The following PTPRD variants were observed in gnomAD, a reference collection of about 807,000 sequenced individuals.
PTPRD encodes protein tyrosine phosphatase receptor type D.
PTPRD carries 34 observed loss-of-function variants against 214.5 expected under a neutral mutation model. The observed-to-expected ratio is 0.16, with a 90% CI of 0.12 to 0.21. The LOEUF (loss-of-function observed/expected upper bound fraction) is 0.21, where lower values mean the gene tolerates loss of function less well. PTPRD is among the 10% of genes least tolerant of loss of function. PTPRD has a pLI of 1.00. For synonymous variants in PTPRD, 1,128 were observed against 845.7 expected (o/e 1.33, Z -5.79); for missense variants, 2,545 against 2,398.7 (o/e 1.06, Z -1.27).
At chr9:10,122,417 C>A (rs569635482) in intron 3 of PTPRD, among the ~76,000 whole-genome samples, 1 of 151,938 alleles carries the variant, frequency 6.6e-6, no homozygotes, top group Non-Finnish European at 1.5e-5. Flanking sequence ...TCAAATAGAT[C>A]TAGAAATTAA....
At chr9:10,499,527 T>G (rs2043049385) in intron 2 of PTPRD, among the ~76,000 whole-genome samples, 1 of 151,964 alleles carries the variant, frequency 6.6e-6, no homozygotes, top group Non-Finnish European at 1.5e-5. Context: ...CTGTCAAATG[T>G]GACTAATGAA....
chr9:9,318,998 A>T (rs1049956751), intron 9 of PTPRD, among the ~76,000 whole-genome samples: 1 of 152,222 alleles, frequency 6.6e-6, no homozygotes, highest in Non-Finnish European at 1.5e-5. Flanking sequence ...TATCATTATA[A>T]GAAACACAAG....
At chr9:8,435,305 C>T (rs1180552253) in intron 35 of PTPRD, among the ~76,000 whole-genome samples, 2 of 152,136 alleles carry the variant, frequency 1.3e-5, no homozygotes, top group Non-Finnish European at 2.9e-5. Flanking sequence ...CTCTAAGCCA[C>T]TTGAGGTTGG....
chr9:8,892,969 C>A (rs975617103), intron 11 of PTPRD, among the ~76,000 whole-genome samples: 5 of 152,018 alleles, frequency 3.3e-5, no homozygotes, highest in Non-Finnish European at 5.9e-5. Flanking sequence ...CATTGATAAT[C>A]TTGACGTCCA....
At chr9:9,361,466 T>C (rs1334880437) in intron 9 of PTPRD, among the ~76,000 whole-genome samples, 1 of 151,120 alleles carries the variant, frequency 6.6e-6, no homozygotes, top group East Asian at 1.9e-4. Flanking sequence ...ACCTTGTTCA[T>C]AGTGTTTTTT....
intron 7 of PTPRD, among the ~76,000 whole-genome samples, chr9:9,615,574 C>T (rs971002874): frequency 2.6e-5 from 4 of 152,076 alleles, no homozygotes. Context: ...TTTGTTTGTT[C>T]ATTAAAGTAC....
At chr9:10,375,375 C>A (rs2097707844) in intron 2 of PTPRD, among the ~76,000 whole-genome samples, 1 of 151,984 alleles carries the variant, frequency 6.6e-6, no homozygotes, top group Non-Finnish European at 1.5e-5. Flanking sequence ...ATGTGCATTT[C>A]TGGTTCAATT....
At chr9:9,389,999 G>T (rs1482655945) in intron 9 of PTPRD, among the ~76,000 whole-genome samples, 1 of 152,166 alleles carries the variant, frequency 6.6e-6, no homozygotes, top group South Asian at 2.1e-4. Flanking sequence ...AGTGGGATAA[G>T]AAGAGACAGA....
chr9:10,555,901 G>A (rs966396109), intron 2 of PTPRD, among the ~76,000 whole-genome samples: 1 of 151,912 alleles, frequency 6.6e-6, no homozygotes, highest in African/African-American at 2.4e-5. Flanking sequence ...GTCATGGTGG[G>A]GCAGAAGAAT....
At chr9:9,859,861 G>A (rs997872625) in intron 5 of PTPRD, among the ~76,000 whole-genome samples, 4 of 152,198 alleles carry the variant, frequency 2.6e-5, no homozygotes, top group East Asian at 3.9e-4. Context: ...GCCATGTACC[G>A]TTTTCTTCAA....
chr9:10,156,588 G>A (rs904908252), intron 3 of PTPRD, among the ~76,000 whole-genome samples: 1 of 152,180 alleles, frequency 6.6e-6, no homozygotes. Flanking sequence ...ATGCCCTGTG[G>A]CAATGAGAAC....
At chr9:8,338,839 G>C in intron 43 of PTPRD, 83 bp downstream of exon 43, 4 of 1,221,480 alleles carry the variant, frequency 3.3e-6, no homozygotes, top group Non-Finnish European at 4.4e-6. Context: ...AGTGGCAAGT[G>C]CTTCTCCCAG....
At position 8,315,628 on chromosome 9, in the gene PTPRD, A is replaced by T. The variant is rs1156494775; in HGVS notation, c.*2246T>A. The T allele has an allele frequency of 4.4e-6, 1 of 227,884 alleles. No individual in the cohort carries two copies. Among genetic ancestry groups the T allele is most frequent in the East Asian group, 6.3e-5 (1 of 15,958 alleles). The allele number at this position is 227,884 out of a possible 1,614,324, so 14.1% of individuals were successfully genotyped here. ...GGTAGCCTTCTAGATACTTTTTTTT[A>T]GTATTATATATATTTTCTTTTTTTT... On this transcript the variant is annotated 3_prime_UTR_variant, in exon 46 of 46. Transcript: ENST00000381196.
chr9:9,618,923 G>A (rs545692631), intron 7 of PTPRD, among the ~76,000 whole-genome samples: 8 of 152,182 alleles, frequency 5.3e-5, no homozygotes, highest in South Asian at 4.2e-4. Context: ...ACCTCTGAAG[G>A]TAGTTGAGAA....
chr9:8,618,935 T>A (rs2095713225), intron 14 of PTPRD, among the ~76,000 whole-genome samples: 1 of 146,722 alleles, frequency 6.8e-6, no homozygotes, highest in Non-Finnish European at 1.5e-5. Flanking sequence ...TTTTTTTTTT[T>A]TTTTACCGGA....
At chr9:9,464,631 T>A (rs1178528353) in intron 8 of PTPRD, among the ~76,000 whole-genome samples, 2 of 152,202 alleles carry the variant, frequency 1.3e-5, no homozygotes, top group Admixed American at 1.3e-4. Context: ...TTAAGTCTGA[T>A]CACCTTAACA....
intron 11 of PTPRD, among the ~76,000 whole-genome samples, chr9:8,765,655 T>G (rs2094683720): frequency 1.3e-5 from 2 of 152,242 alleles, no homozygotes; most frequent in Admixed American, 1.3e-4. Context: ...CTGGTTAAGC[T>G]ACTCCCATAT....
At chr9:10,503,889 G>T (rs2044783711) in intron 2 of PTPRD, among the ~76,000 whole-genome samples, 1 of 151,670 alleles carries the variant, frequency 6.6e-6, no homozygotes, top group Non-Finnish European at 1.5e-5. Context: ...GGCCGAGGTG[G>T]GCGGATCATA....
chr9:9,453,346 T>A (rs575068765), intron 8 of PTPRD, among the ~76,000 whole-genome samples: 1 of 151,730 alleles, frequency 6.6e-6, no homozygotes, highest in South Asian at 2.1e-4. Flanking sequence ...TAAAACAGAA[T>A]TATTTAGATT....
Sources: allele counts gnomAD v4.1 joint callset (sites outside exome capture counted in the v4.1 genomes callset), GRCh38; gene constraint gnomAD v4.1.1; transcripts MANE v1.5; gene names NCBI Gene and HGNC (gene_info 2026-07-23, HGNC 2026-07-21).